The following RANBP17 variants were observed in gnomAD, a reference collection of about 807,000 sequenced individuals.
RANBP17 encodes ran-binding protein 17.
RANBP17 carries 158 observed loss-of-function variants against 141.2 expected under a neutral mutation model. That is an observed-to-expected ratio of 1.12 (90% CI 0.98 to 1.28). The LOEUF (loss-of-function observed/expected upper bound fraction) is 1.28, where lower values mean the gene tolerates loss of function less well. Ranked by LOEUF, RANBP17 falls within the 50% of genes most tolerant of loss-of-function variation. The pLI is 0.00. For missense variants in RANBP17, 1,438 were observed against 1,290.7 expected, an observed-to-expected ratio of 1.11 and a Z score of -1.75; for synonymous variants, 430 against 450.0, an observed-to-expected ratio of 0.96 and a Z score of 0.56.
intron 14 of RANBP17, among the ~76,000 whole-genome samples, chr5:170,992,332 C>T (rs994140260): frequency 7.2e-5 from 11 of 151,946 alleles, no homozygotes; most frequent in Non-Finnish European, 1.3e-4. Context: ...ATTCATTGCT[C>T]TTTTTGGTAA....
chr5:171,214,518 G>T (rs1763097524), intron 21 of RANBP17, among the ~76,000 whole-genome samples: 1 of 152,164 alleles, frequency 6.6e-6, no homozygotes, highest in Non-Finnish European at 1.5e-5. Flanking sequence ...TATGTGTTTA[G>T]AAGGGAGGTA....
At chr5:171,230,386 G>C (rs929554685) in intron 22 of RANBP17, among the ~76,000 whole-genome samples, 1 of 152,214 alleles carries the variant, frequency 6.6e-6, no homozygotes, top group African/African-American at 2.4e-5. Context: ...AATTGCTGAA[G>C]ACTAAAGCTA....
At chr5:170,936,716 TATAA>T (rs1773908503) in intron 12 of RANBP17, among the ~76,000 whole-genome samples, 2 of 152,214 alleles carry the variant, frequency 1.3e-5, no homozygotes, top group Admixed American at 6.5e-5. Flanking sequence ...TTGGGTGTAA[TATAA>T]ATATAAATTA....
intron 14 of RANBP17, among the ~76,000 whole-genome samples, chr5:170,978,647 A>G (rs1444195505): frequency 4.6e-5 from 7 of 152,324 alleles, no homozygotes; most frequent in South Asian, 2.1e-4. Flanking sequence ...ACCAATTTCT[A>G]TAACAGTCAA....
intron 20 of RANBP17, among the ~76,000 whole-genome samples, chr5:171,213,428 G>A (rs1020015800): frequency 4.6e-5 from 7 of 152,054 alleles, no homozygotes; most frequent in African/African-American, 7.2e-5. Context: ...CAAATTGCCA[G>A]CAACCCCAAA....
At chr5:170,919,791 A>G (rs149179739) in intron 11 of RANBP17, among the ~76,000 whole-genome samples, 178 bp downstream of exon 11, 48 of 152,132 alleles carry the variant, frequency 3.2e-4, no homozygotes, top group Non-Finnish European at 6.2e-4. Flanking sequence ...ATCAATCCAG[A>G]TAGTTCTTTT....
intron 14 of RANBP17, among the ~76,000 whole-genome samples, chr5:171,128,628 A>T (rs1581695299): frequency 6.6e-6 from 1 of 152,206 alleles, no homozygotes; most frequent in East Asian, 1.9e-4. Flanking sequence ...ACAATGTGTC[A>T]TATATTTCAA....
intron 18 of RANBP17, among the ~76,000 whole-genome samples, chr5:171,189,949 A>G (rs1447788707): frequency 2.0e-5 from 3 of 152,126 alleles, no homozygotes; most frequent in African/African-American, 7.2e-5. Flanking sequence ...AAAAATAAAA[A>G]CATTAGATAA....
chr5:171,223,479 C>A (rs1013415937), intron 22 of RANBP17, among the ~76,000 whole-genome samples: 1 of 151,926 alleles, frequency 6.6e-6, no homozygotes, highest in South Asian at 2.1e-4. Context: ...ACCAAAAATA[C>A]AAAAAATTAG....
intron 14 of RANBP17, among the ~76,000 whole-genome samples, chr5:170,986,166 A>G (rs1408482093): frequency 6.6e-6 from 1 of 151,992 alleles, no homozygotes; most frequent in Non-Finnish European, 1.5e-5. Context: ...AAATTATATG[A>G]TCTCCTTGCA....
At chr5:171,261,086 C>CG (rs1431265322) in intron 24 of RANBP17, among the ~76,000 whole-genome samples, 2 of 59,044 alleles carry the variant, frequency 3.4e-5, no homozygotes, top group African/African-American at 1.3e-4. Context: ...CCCCCCACCC[C>CG]CCCCAAAAAA....
At chr5:170,966,276 T>C (rs1461283841) in intron 13 of RANBP17, among the ~76,000 whole-genome samples, 2 of 152,090 alleles carry the variant, frequency 1.3e-5, no homozygotes, top group African/African-American at 4.8e-5. Flanking sequence ...TTGATGAACA[T>C]TGATGCAAAA....
At chr5:170,881,246 T>C (rs931864063) in intron 2 of RANBP17, among the ~76,000 whole-genome samples, 1 of 152,196 alleles carries the variant, frequency 6.6e-6, no homozygotes, top group Admixed American at 6.5e-5. Flanking sequence ...GGAGTATCTT[T>C]GCAAGAATTT....
chr5:171,269,748 G>A (rs1490123661), intron 25 of RANBP17, among the ~76,000 whole-genome samples: 1 of 152,192 alleles, frequency 6.6e-6, no homozygotes, highest in South Asian at 2.1e-4. Context: ...ATTGCAGAAG[G>A]TAATGAACAA....
At chr5:171,232,114 A>T (rs1003066899) in intron 22 of RANBP17, among the ~76,000 whole-genome samples, 1 of 152,232 alleles carries the variant, frequency 6.6e-6, no homozygotes, top group Non-Finnish European at 1.5e-5. Context: ...ATGTGGCAAC[A>T]GTTGAAAGAA....
Position 170,914,018 on chromosome 5 carries a change from G to A in RANBP17, c.761-149G>A, listed in dbSNP as rs1771744762. ...CTCTGTATTATTTCATCTTTCAAAG[G>A]AAAATAGCTAGGAATTAAAAATAGG... On this transcript the variant is annotated intron_variant, in intron 7 of 27. Transcript: ENST00000523189. The A allele has an allele frequency of 4.8e-6, 3 of 618,788 alleles. No homozygotes were observed. In the East Asian group the frequency reaches 8.3e-5, roughly 17 times the overall value. 38.3% of individuals were successfully genotyped at this position (618,788 alleles called of 1,614,324 possible).
chr5:171,086,189 G>A lies in RANBP17; in HGVS notation c.1711-83941G>A, dbSNP rs1475004574. On this transcript the variant is annotated intron_variant, in intron 14 of 27. Transcript: ENST00000523189. ...TTAGCATGAAGGGTTGTTGAATTTTGTCAAAGGCTTTTTCTACATCTGTTG... is the reference window on the plus strand; with the variant it reads ...TTAGCATGAAGGGTTGTTGAATTTTATCAAAGGCTTTTTCTACATCTGTTG... Among the ~76,000 whole-genome samples the A allele has an allele frequency of 8.0e-5, 11 of 137,338 alleles. No individual in the cohort carries two copies. The East Asian group carries it at 1.7e-3, about 21-fold the overall frequency. The allele number at this position is 137,338 out of a possible 152,430, so 90.1% of individuals were successfully genotyped here.
At chr5:171,100,151 A>G (rs181248320) in intron 14 of RANBP17, among the ~76,000 whole-genome samples, 154 of 152,060 alleles carry the variant, frequency 1.0e-3, no homozygotes, top group African/African-American at 3.0e-3. Context: ...CTCTTTTTCT[A>G]TTGTTTGGAA....
At chr5:171,251,743 G>A in intron 24 of RANBP17, 1 of 782,756 alleles carries the variant, frequency 1.3e-6, no homozygotes, top group South Asian at 1.5e-5. Flanking sequence ...GTGCGAGCAG[G>A]TGGCCCCGTT....
Sources: allele counts gnomAD v4.1 joint callset (sites outside exome capture counted in the v4.1 genomes callset), GRCh38; gene constraint gnomAD v4.1.1; transcripts MANE v1.5; gene names NCBI Gene and HGNC (gene_info 2026-07-23, HGNC 2026-07-21).